VPS13D: variants seen among roughly 807,000 people sequenced by gnomAD.
The protein encoded by VPS13D is vacuolar protein sorting 13 homolog D.
A neutral mutation model predicts 461.9 loss-of-function variants in VPS13D; 187 were observed. The ratio of observed to expected loss-of-function variants is 0.40; its 90% CI spans 0.36 to 0.46. The LOEUF (loss-of-function observed/expected upper bound fraction) is 0.46. VPS13D is among the 20% of genes least tolerant of loss of function. The pLI is 0.60. For missense variants in VPS13D, 4,711 were observed against 5,364.9 expected, an observed-to-expected ratio of 0.88 and a Z score of 3.81; for synonymous variants, 1,951 against 1,986.3, an observed-to-expected ratio of 0.98 and a Z score of 0.47.
At chr1:12,489,065 G>A (rs550297423) in intron 67 of VPS13D, among the ~76,000 whole-genome samples, 1 of 152,258 alleles carries the variant, frequency 6.6e-6, no homozygotes, top group South Asian at 2.1e-4. Flanking sequence ...AGCCTTTTAG[G>A]CTCCATTCTT....
chr1:12,267,468 G>C (rs1641308319), intron 14 of VPS13D, among the ~76,000 whole-genome samples: 2 of 152,112 alleles, frequency 1.3e-5, no homozygotes, highest in Admixed American at 1.3e-4. Flanking sequence ...TTGGCAACAA[G>C]CTGTCTAAAT....
chr1:12,335,842 T>C lies in VPS13D; in HGVS notation c.8551+15T>C. 13 of 1,613,978 alleles carry C rather than the reference T, an allele frequency of 8.1e-6. No homozygotes were observed. Among genetic ancestry groups the C allele is most frequent in the Non-Finnish European group, 1.0e-5 (12 of 1,179,896 alleles). On this transcript the variant is annotated intron_variant, in intron 39 of 69. Coordinates refer to ENST00000620676, the MANE Select transcript of VPS13D (RefSeq NM_015378.4). ...TTTTGGACAAAGTAAGAGTTTTCACTACATGTGTTTAACTAAATCACTTTT... is the reference window on the plus strand; with the variant it reads ...TTTTGGACAAAGTAAGAGTTTTCACCACATGTGTTTAACTAAATCACTTTT...
In VPS13D at chr1:12,333,464, G is replaced by C. The variant is rs114375394; in HGVS notation, c.8428+98G>C. On this transcript the variant is annotated intron_variant, in intron 38 of 69. Transcript: ENST00000620676. ...CCTGGTTTAGCAAATACCTGGGCCT[G>C]TACCAGGCATCACTTCTTCATCCTG... is the stretch of plus-strand genomic sequence containing the variant. 2.6e-4 allele frequency: 378 copies of C among 1,442,712 alleles called. No individual in the cohort carries two copies. The African/African-American group carries it at 4.9e-3, about 19-fold the overall frequency. 89.4% of individuals were successfully genotyped at this position (1,442,712 alleles called of 1,614,324 possible). A position where few individuals can be genotyped will look rare whatever the true frequency, so the allele number is the denominator to read the frequency against.
At position 12,509,495 on chromosome 1, in the gene VPS13D, G is replaced by A. The variant is rs1646156751; in HGVS notation, c.*471G>A. On this transcript the variant is annotated 3_prime_UTR_variant, in exon 70 of 70. Coordinates refer to ENST00000620676, the MANE Select transcript of VPS13D (RefSeq NM_015378.4). ...TGTCTATAGAAAGGCATTCTTAAAA[G>A]TTAAAGAATGTTACGTCTTAGTTTT... 1 of 152,998 alleles carries A rather than the reference G, an allele frequency of 6.5e-6. No homozygotes were observed. The highest frequency in any genetic ancestry group is 1.5e-5 in the Non-Finnish European group (1 of 68,344). 9.5% of individuals were successfully genotyped at this position (152,998 alleles called of 1,614,324 possible).
Position 12,354,116 on chromosome 1 carries a change from T to G in VPS13D, c.9574T>G (p.Cys3192Gly). The change falls in exon 47 of 70, where the codon TGT becomes GGT. Residue 3192 changes from cysteine to glycine, a missense_variant. Transcript: ENST00000620676. Reference sequence around the variant, plus strand: ...TGTGGTAATCTGCAACTTGCTACCCTGTGAACTTGATTTTTATGTTAAAGG... The same window carrying G: ...TGTGGTAATCTGCAACTTGCTACCCGGTGAACTTGATTTTTATGTTAAAGG... ...PTVVICNLLP[C>G]ELDFYVKGMP... is the part of the protein sequence containing the mutation. The G allele has an allele frequency of 6.2e-7, 1 of 1,614,224 alleles. No individual in the cohort carries two copies. The highest frequency in any genetic ancestry group is 1.7e-5 in the Admixed American group (1 of 60,034).
Position 12,268,806 on chromosome 1 carries a change from C to T in VPS13D, c.1902C>T (p.Asn634=). The T allele has an allele frequency of 1.9e-6, 3 of 1,614,124 alleles. No homozygotes were observed. The highest frequency in any genetic ancestry group is 2.5e-6 in the Non-Finnish European group (3 of 1,180,002). The change falls in exon 16 of 70, where the codon AAC becomes AAT. Residue 634 remains asparagine (N), a synonymous_variant. Transcript: ENST00000620676. ...RRLNVSTRPL[N]IIYNPQAIKK... is the part of the protein sequence containing the mutation. ...TCAATGTCAGCACAAGGCCCTTGAACATCATATACAATCCGCAGGCCATTA... is the reference window on the plus strand; with the variant it reads ...TCAATGTCAGCACAAGGCCCTTGAATATCATATACAATCCGCAGGCCATTA...
At position 12,503,739 on chromosome 1, in the gene VPS13D, C is replaced by T. The variant is rs182630400; in HGVS notation, c.12795-3114C>T. On this transcript the variant is annotated intron_variant, in intron 68 of 69. Coordinates refer to ENST00000620676, the MANE Select transcript of VPS13D (RefSeq NM_015378.4). Reference sequence around the variant, plus strand: ...GTTTGCTCAGGGCCACCTGAGACCACGGTGGCCTTCTTCCCTTGAGGTTTT... The same window carrying T: ...GTTTGCTCAGGGCCACCTGAGACCATGGTGGCCTTCTTCCCTTGAGGTTTT... Among the ~76,000 whole-genome samples, 1,188 of 152,254 alleles carry T rather than the reference C, an allele frequency of 7.8e-3. 8 individuals are homozygous for T. The highest frequency in any genetic ancestry group is 0.013 in the Non-Finnish European group (873 of 68,024).
intron 68 of VPS13D, chr1:12,499,831 G>C (rs1557479891): frequency 5.1e-6 from 5 of 985,390 alleles, no homozygotes; most frequent in Non-Finnish European, 6.0e-6. Flanking sequence ...CTTCGCGGTG[G>C]AGTGAACATT....
intron 65 of VPS13D, among the ~76,000 whole-genome samples, chr1:12,455,016 T>A (rs1408512884): frequency 6.6e-6 from 1 of 152,250 alleles, no homozygotes; most frequent in Non-Finnish European, 1.5e-5. Flanking sequence ...GAGTTTTATG[T>A]CCTTTTTATC....
At chr1:12,412,063 G>A (rs570246091) in intron 63 of VPS13D, among the ~76,000 whole-genome samples, 5 of 152,206 alleles carry the variant, frequency 3.3e-5, no homozygotes, top group Non-Finnish European at 5.9e-5. Flanking sequence ...AAGAATATGT[G>A]GTCATTTTAA....
chr1:12,427,411 G>A (rs1644936794), intron 65 of VPS13D, among the ~76,000 whole-genome samples: 1 of 151,750 alleles, frequency 6.6e-6, no homozygotes, highest in Non-Finnish European at 1.5e-5. Flanking sequence ...CTGGAACATT[G>A]CTGGACAGCA....
chr1:12,341,216 A>G (rs751113522), intron 40 of VPS13D, among the ~76,000 whole-genome samples: 3 of 152,222 alleles, frequency 2.0e-5, no homozygotes, highest in Non-Finnish European at 2.9e-5. Flanking sequence ...AAAATGGGCT[A>G]ACAATTTTGT....
intron 67 of VPS13D, among the ~76,000 whole-genome samples, chr1:12,478,005 T>C (rs1645656600): frequency 6.6e-6 from 1 of 152,184 alleles, no homozygotes; most frequent in Non-Finnish European, 1.5e-5. Flanking sequence ...GCAGCTGTTT[T>C]ATGGAAGGTT....
At chr1:12,427,181 G>A (rs1644933589) in intron 65 of VPS13D, among the ~76,000 whole-genome samples, 3 of 150,866 alleles carry the variant, frequency 2.0e-5, no homozygotes, top group African/African-American at 4.9e-5. Context: ...AAAGCATTTA[G>A]ATATCTTTGA....
chr1:12,307,849 A>G (rs1418758941), intron 26 of VPS13D, among the ~76,000 whole-genome samples: 1 of 152,102 alleles, frequency 6.6e-6, no homozygotes, highest in Non-Finnish European at 1.5e-5. Flanking sequence ...AGTGAATGTT[A>G]TGGACTGTTT....
intron 25 of VPS13D, 128 bp from the exon 26 acceptor site, chr1:12,304,378 G>GT (rs1474626286): frequency 3.8e-6 from 3 of 790,164 alleles, no homozygotes; most frequent in Non-Finnish European, 5.9e-6. Context: ...GGAAGTATAA[G>GT]TATTATAGAG....
In VPS13D at chr1:12,261,076, G is replaced by C. The variant is rs1641093104; in HGVS notation, c.1341G>C (p.Gln447His). The change falls in exon 12 of 70, where the codon CAG (glutamine) becomes CAC (histidine). Residue 447 changes from glutamine to histidine, a missense_variant. Physicochemically the swap from Gln to His is conservative, Grantham distance 24 (BLOSUM62 0). Transcript: ENST00000620676. ...FPGWGGWYGQ[Q>H]TPEGNVVEGL... ...GATGGGGTGGCTGGTACGGGCAGCA[G>C]ACCCCAGAAGGGAATGTGGTTGAGG... is the stretch of plus-strand genomic sequence containing the variant. 2 of 1,614,078 alleles carry C rather than the reference G, an allele frequency of 1.2e-6. No individual in the cohort carries two copies. The highest frequency in any genetic ancestry group is 1.7e-6 in the Non-Finnish European group (2 of 1,180,046).
At chr1:12,327,575 TC>T in intron 35 of VPS13D, 72 bp from the exon 36 acceptor site, 2 of 1,506,062 alleles carry the variant, frequency 1.3e-6, no homozygotes, top group Non-Finnish European at 1.8e-6. Flanking sequence ...ATTTTATTTC[TC>T]TGTTTCCTCT....
chr1:12,410,179 A>C (rs1644705280), intron 63 of VPS13D, among the ~76,000 whole-genome samples: 1 of 152,246 alleles, frequency 6.6e-6, no homozygotes, highest in Non-Finnish European at 1.5e-5. Context: ...ATGATTTCTA[A>C]GTGACACAGT....
Sources: gnomAD v4.1 joint callset for allele counts (sites outside exome capture counted in the v4.1 genomes callset) on GRCh38, gnomAD v4.1.1 for gene constraint, MANE v1.5 for transcripts, NCBI Gene and HGNC (gene_info 2026-07-23, HGNC 2026-07-21) for gene names.